KLF8: variants seen among roughly 807,000 people sequenced by gnomAD.
The protein encoded by KLF8 is KLF transcription factor 8.
Under a neutral mutation model 18.2 loss-of-function variants are expected in KLF8, and 10 were observed. That is an observed-to-expected ratio of 0.55 (90% CI 0.34 to 0.93). KLF8 has a LOEUF of 0.93. Ranked by LOEUF, KLF8 falls within the 40% of genes least tolerant of loss-of-function variation. KLF8 has a pLI of 0.02. For synonymous variants in KLF8, 109 were observed against 97.3 expected (o/e 1.12, Z -0.71); for missense variants, 264 against 277.9 (o/e 0.95, Z 0.36).
chrX:55,949,429 G>T, the KLF8 span, among the ~76,000 whole-genome samples: 1 of 109,036 alleles, frequency 9.2e-6, no homozygotes, highest in African/African-American at 3.3e-5. Context: ...AGGATCCTCT[G>T]TTGATAATAA....
At chrX:56,141,335 A>G in the KLF8 span, among the ~76,000 whole-genome samples, 5 of 111,749 alleles carry the variant, frequency 4.5e-5, no homozygotes, top group Non-Finnish European at 9.4e-5. Flanking sequence ...TTTCCAATGT[A>G]TATCCTTTGT....
the KLF8 span, among the ~76,000 whole-genome samples, chrX:56,063,328 C>T: frequency 5.1e-3 from 563 of 111,190 alleles, 2 homozygotes; most frequent in Middle Eastern, 0.014. Context: ...CTTTAGTGTT[C>T]GTGACCTTCA....
chrX:56,250,403 A>G, intron 2 of KLF8, 99 bp downstream of exon 2: 1 of 618,460 alleles, frequency 1.6e-6, no homozygotes, highest in African/African-American at 2.2e-5. Context: ...TTTCTATAAC[A>G]TGTTTGGGGA....
chrX:55,956,377 C>G, the KLF8 span, among the ~76,000 whole-genome samples: 4 of 111,305 alleles, frequency 3.6e-5, no homozygotes, highest in African/African-American at 9.8e-5. Context: ...ACAAATATGT[C>G]TTTGAGACTC....
the KLF8 span, among the ~76,000 whole-genome samples, chrX:56,053,913 C>A: frequency 9.0e-6 from 1 of 110,686 alleles, no homozygotes; most frequent in Admixed American, 9.7e-5. Flanking sequence ...TTCATTCTAG[C>A]TAGCTATGCA....
At chrX:56,201,284 A>G in the KLF8 span, among the ~76,000 whole-genome samples, 36 of 112,171 alleles carry the variant, frequency 3.2e-4, no homozygotes, top group Middle Eastern at 4.6e-3. Context: ...ACCCTTTAAA[A>G]AGAAGTAAAT....
chrX:55,999,919 C>T, the KLF8 span, among the ~76,000 whole-genome samples: 2 of 111,747 alleles, frequency 1.8e-5, no homozygotes, highest in African/African-American at 3.3e-5. Context: ...TTGTCTTGTC[C>T]CAGTTCTGAA....
chrX:55,925,687 G>A, the KLF8 span, among the ~76,000 whole-genome samples: 3 of 111,422 alleles, frequency 2.7e-5, no homozygotes, highest in Non-Finnish European at 5.7e-5. Context: ...TGGACAAGAT[G>A]GTTGGAAAAG....
the KLF8 span, among the ~76,000 whole-genome samples, chrX:56,188,885 A>G: frequency 8.9e-6 from 1 of 112,307 alleles, no homozygotes; most frequent in Admixed American, 9.5e-5. Flanking sequence ...TGGATGAAAG[A>G]CTTAAATGTT....
rs908332337 is a variant in KLF8, at chrX:56,289,195, G to T, written c.*4701G>T. Among the ~76,000 whole-genome samples, 1 of 111,484 alleles carries T rather than the reference G, an allele frequency of 9.0e-6. No individual in the cohort carries two copies. The highest frequency in any genetic ancestry group is 1.9e-5 in the Non-Finnish European group (1 of 53,126). On this transcript the variant is annotated 3_prime_UTR_variant, in exon 6 of 6. Coordinates refer to ENST00000468660, the MANE Select transcript of KLF8 (RefSeq NM_007250.5). ...ACTACTTTATTTTATTGCTCGAATT[G>T]TTCCAGCTTTGGCCATTGGGAGCTC...
chrX:56,208,044 C>G, the KLF8 span, among the ~76,000 whole-genome samples: 1 of 109,511 alleles, frequency 9.1e-6, no homozygotes, highest in African/African-American at 3.3e-5. Flanking sequence ...AGATCTTAGG[C>G]GTATTATTCA....
chrX:55,972,431 A>C, the KLF8 span, among the ~76,000 whole-genome samples: 307 of 32,801 alleles, frequency 9.4e-3, 2 homozygotes, highest in African/African-American at 0.015. Flanking sequence ...ATGTTTCATG[A>C]GTACAACAAA....
the KLF8 span, among the ~76,000 whole-genome samples, chrX:55,988,633 C>T: frequency 9.0e-6 from 1 of 111,652 alleles, no homozygotes; most frequent in African/African-American, 3.3e-5. Context: ...AGTCAGGTAG[C>T]ATGATGCCTC....
the KLF8 span, among the ~76,000 whole-genome samples, chrX:56,059,425 C>T: frequency 8.9e-6 from 1 of 111,973 alleles, no homozygotes; most frequent in African/African-American, 3.2e-5. Flanking sequence ...GAAGCCTTTG[C>T]CCATGCCTTT....
At chrX:55,961,117 A>G in the KLF8 span, 1 of 164,466 alleles carries the variant, frequency 6.1e-6, no homozygotes, top group Non-Finnish European at 1.1e-5. Flanking sequence ...GGTTCAATTC[A>G]TTCAATTCAA....
At chrX:56,260,464 G>T (rs917310898) in intron 2 of KLF8, among the ~76,000 whole-genome samples, 1 of 111,879 alleles carries the variant, frequency 8.9e-6, no homozygotes, top group African/African-American at 3.2e-5. Flanking sequence ...CTATAGTTTT[G>T]TGCTAGGTAC....
the KLF8 span, among the ~76,000 whole-genome samples, chrX:56,184,314 TG>T: frequency 8.9e-6 from 1 of 112,011 alleles, no homozygotes; most frequent in Non-Finnish European, 1.9e-5. Context: ...GGAGTGAGCC[TG>T]GGGGAAAGGC....
chrX:56,187,476 C>A, the KLF8 span, among the ~76,000 whole-genome samples: 4,982 of 111,633 alleles, frequency 0.045, 287 homozygotes, highest in African/African-American at 0.16. Flanking sequence ...CCTTCTGAAA[C>A]TATTCCAATC....
chrX:56,067,738 G>T, the KLF8 span, among the ~76,000 whole-genome samples: 1 of 111,756 alleles, frequency 8.9e-6, no homozygotes, highest in Non-Finnish European at 1.9e-5. Flanking sequence ...CCCTTCCCCC[G>T]TCCCCCTCCT....
Sources: allele counts gnomAD v4.1 joint callset (sites outside exome capture counted in the v4.1 genomes callset), GRCh38; gene constraint gnomAD v4.1.1; transcripts MANE v1.5; gene names NCBI Gene and HGNC (gene_info 2026-07-23, HGNC 2026-07-21).